Variants in PMS1 observed in about 807,000 individuals in gnomAD.
PMS1 encodes the protein PMS1 protein homolog 1.
A neutral mutation model predicts 93.1 loss-of-function variants in PMS1; 79 were observed. The ratio of observed to expected loss-of-function variants is 0.85; its 90% CI spans 0.71 to 1.02. The LOEUF is 1.02. Ranked by LOEUF, PMS1 falls within the 50% of genes least tolerant of loss-of-function variation. The probability of loss-of-function intolerance (pLI) is 0.00; values close to 1 mark genes in which losing one functional copy is unlikely to be tolerated. For missense variants in PMS1, 1,064 were observed against 1,085.3 expected (o/e 0.98, Z 0.28); for synonymous variants, 335 against 363.4 (o/e 0.92, Z 0.89).
intron 12 of PMS1, among the ~76,000 whole-genome samples, chr2:189,874,577 A>T (rs2057406422): frequency 6.6e-6 from 1 of 152,200 alleles, no homozygotes; most frequent in Non-Finnish European, 1.5e-5. Flanking sequence ...GATTGGTATT[A>T]TTTAAAAAAC....
chr2:189,861,344 G>T (rs954180563), intron 9 of PMS1, among the ~76,000 whole-genome samples: 2 of 150,564 alleles, frequency 1.3e-5, no homozygotes, highest in Admixed American at 6.6e-5. Flanking sequence ...ACATATACTG[G>T]CAACTAATTC....
intron 5 of PMS1, among the ~76,000 whole-genome samples, chr2:189,822,449 GT>G (rs56700120): frequency 6.6e-5 from 10 of 151,266 alleles, no homozygotes; most frequent in Non-Finnish European, 1.5e-4. Flanking sequence ...TAAATAGAGG[GT>G]TTTTTTTTAA....
In PMS1 at chr2:189,821,777, CCAGCCTG is replaced by C. The variant is rs1266479413; in HGVS notation, c.582+3598_582+3604del. Among the ~76,000 whole-genome samples, 6 of 152,206 alleles carry C rather than the reference CCAGCCTG, an allele frequency of 3.9e-5. No individual in the cohort carries two copies. The East Asian group carries it at 1.2e-3, about 29-fold the overall frequency. On this transcript the variant is annotated intron_variant, in intron 5 of 12. Transcript: ENST00000441310. ...TGAGCCGAGATCGCACCACTGCACT[CCAGCCTG>C]GGCGACAGAGTGAGAATCTATCTCC...
At chr2:189,821,456 CAAA>C (rs779436688) in intron 5 of PMS1, among the ~76,000 whole-genome samples, 6 of 91,964 alleles carry the variant, frequency 6.5e-5, no homozygotes, top group Non-Finnish European at 7.4e-5. Flanking sequence ...GACTCCGTCT[CAAA>C]AAAAAAAAAA....
At chr2:189,831,514 G>A (rs1461979971) in intron 5 of PMS1, among the ~76,000 whole-genome samples, 8 of 152,166 alleles carry the variant, frequency 5.3e-5, no homozygotes, top group Admixed American at 5.2e-4. Context: ...ACCAGAAAAG[G>A]TTTGAAGATA....
chr2:189,833,744 TACCTGTAGC>T (rs1422921804), intron 5 of PMS1, among the ~76,000 whole-genome samples: 2 of 152,218 alleles, frequency 1.3e-5, no homozygotes, highest in African/African-American at 2.4e-5. Context: ...GAAGAAACCA[TACCTGTAGC>T]AGCACTATGT....
At chr2:189,827,635 T>C (rs2052555215) in intron 5 of PMS1, among the ~76,000 whole-genome samples, 1 of 152,150 alleles carries the variant, frequency 6.6e-6, no homozygotes, top group African/African-American at 2.4e-5. Context: ...GTGTATCCAC[T>C]GTATATACAA....
intron 1 of PMS1, among the ~76,000 whole-genome samples, chr2:189,788,100 G>A (rs1236201661): frequency 6.6e-6 from 1 of 152,028 alleles, no homozygotes; most frequent in Non-Finnish European, 1.5e-5. Context: ...AGGAGATGAG[G>A]TATTATAGGA....
chr2:189,864,657 G>GAA (rs59807167), intron 10 of PMS1, among the ~76,000 whole-genome samples: 1 of 3,664 alleles, frequency 2.7e-4, no homozygotes, highest in African/African-American at 6.8e-4. Flanking sequence ...GTCTGTCTCA[G>GAA]AAAAAAAAAA....
chr2:189,793,568 A>G (rs1018431277), intron 2 of PMS1, among the ~76,000 whole-genome samples: 6 of 152,148 alleles, frequency 3.9e-5, no homozygotes, highest in African/African-American at 1.4e-4. Context: ...TATAATTGAT[A>G]ATAATTAAAC....
chr2:189,859,577 G>T (rs908991076), intron 9 of PMS1, among the ~76,000 whole-genome samples: 1 of 152,106 alleles, frequency 6.6e-6, no homozygotes, highest in Admixed American at 6.5e-5. Flanking sequence ...TTAAGAAAAG[G>T]GGTGACATAA....
intron 5 of PMS1, among the ~76,000 whole-genome samples, chr2:189,829,616 C>G (rs1374561488): frequency 6.6e-6 from 1 of 152,094 alleles, no homozygotes; most frequent in African/African-American, 2.4e-5. Context: ...GGTATCTGAG[C>G]CAGTATGTAG....
chr2:189,790,282 G>A (rs2048733970), intron 1 of PMS1, among the ~76,000 whole-genome samples: 1 of 152,114 alleles, frequency 6.6e-6, no homozygotes, highest in African/African-American at 2.4e-5. Context: ...TGTTGGTAAG[G>A]CACATAACTG....
chr2:189,791,714 T>C, intron 1 of PMS1, 76 bp from the exon 2 acceptor site: 1 of 979,288 alleles, frequency 1.0e-6, no homozygotes, highest in Non-Finnish European at 1.6e-6. Flanking sequence ...TATTTTCATC[T>C]GTCATTATTA....
At chr2:189,839,975 G>A (rs990917543) in intron 5 of PMS1, among the ~76,000 whole-genome samples, 7 of 152,084 alleles carry the variant, frequency 4.6e-5, no homozygotes, top group African/African-American at 1.7e-4. Flanking sequence ...AATTTAAATA[G>A]TCTACTTCAT....
At chr2:189,861,616 G>C (rs925621196) in intron 9 of PMS1, among the ~76,000 whole-genome samples, 3 of 151,794 alleles carry the variant, frequency 2.0e-5, no homozygotes, top group Non-Finnish European at 4.4e-5. Context: ...AGGGGTGGTG[G>C]TGCACCCCTC....
intron 3 of PMS1, among the ~76,000 whole-genome samples, chr2:189,798,499 C>G (rs937426630): frequency 6.6e-6 from 1 of 152,182 alleles, no homozygotes; most frequent in African/African-American, 2.4e-5. Flanking sequence ...TTCCTCAGCA[C>G]TCGCTTTATT....
chr2:189,870,145 T>G (rs1228673159), intron 11 of PMS1, among the ~76,000 whole-genome samples: 1 of 152,220 alleles, frequency 6.6e-6, no homozygotes. Flanking sequence ...TATGTTTTCT[T>G]TCTTCATTTC....
chr2:189,818,998 C>T (rs2051578438), intron 5 of PMS1, among the ~76,000 whole-genome samples: 2 of 152,184 alleles, frequency 1.3e-5, no homozygotes, highest in South Asian at 4.1e-4. Context: ...TATCCATCAC[C>T]AGAATAACAT....
Sources: allele counts gnomAD v4.1 joint callset (sites outside exome capture counted in the v4.1 genomes callset), GRCh38; gene constraint gnomAD v4.1.1; transcripts MANE v1.5; gene names NCBI Gene and HGNC (gene_info 2026-07-23, HGNC 2026-07-21).